FAF1: variants seen among roughly 807,000 people sequenced by gnomAD.
The protein encoded by FAF1 is Fas associated factor 1.
FAF1 carries 25 observed loss-of-function variants against 92.5 expected under a neutral mutation model. The ratio of observed to expected loss-of-function variants is 0.27; its 90% CI spans 0.20 to 0.38. The LOEUF is 0.38. Ranked by LOEUF, FAF1 falls within the 10% of genes least tolerant of loss-of-function variation. FAF1 has a pLI of 1.00. For missense variants in FAF1, 636 were observed against 793.3 expected (o/e 0.80, Z 2.38); for synonymous variants, 234 against 273.2 (o/e 0.86, Z 1.42).
At chr1:50,687,366 A>C (rs1312278504) in intron 7 of FAF1, among the ~76,000 whole-genome samples, 1 of 151,972 alleles carries the variant, frequency 6.6e-6, no homozygotes, top group Non-Finnish European at 1.5e-5. Context: ...AAAAAAAAAA[A>C]AAAAAAACCC....
At chr1:50,463,977 C>T (rs912204035) in intron 18 of FAF1, among the ~76,000 whole-genome samples, 4 of 152,286 alleles carry the variant, frequency 2.6e-5, no homozygotes, top group African/African-American at 9.6e-5. Context: ...ACAGAATATG[C>T]TTCCTTAGAG....
At chr1:50,863,583 T>C (rs187983010) in intron 1 of FAF1, among the ~76,000 whole-genome samples, 36 of 152,170 alleles carry the variant, frequency 2.4e-4, no homozygotes, top group Admixed American at 2.4e-3. Context: ...AAGCTGCTTC[T>C]TTGAAAAGAT....
intron 8 of FAF1, among the ~76,000 whole-genome samples, chr1:50,600,824 A>G (rs1185365815): frequency 1.3e-5 from 2 of 152,198 alleles, no homozygotes; most frequent in Non-Finnish European, 2.9e-5. Flanking sequence ...TTACTTACTG[A>G]ATTTTTAGAA....
At chr1:50,752,706 AC>A (rs776639797) in intron 4 of FAF1, among the ~76,000 whole-genome samples, 10 of 151,694 alleles carry the variant, frequency 6.6e-5, no homozygotes, top group Admixed American at 1.3e-4. Flanking sequence ...TTTTTTTGAG[AC>A]AGTCTCATTT....
chr1:50,454,227 C>G (rs1346734512), intron 18 of FAF1, among the ~76,000 whole-genome samples: 1 of 152,162 alleles, frequency 6.6e-6, no homozygotes, highest in Non-Finnish European at 1.5e-5. Context: ...TCTCATAGAC[C>G]CTATGTGCCA....
At chr1:50,557,100 T>C (rs143829015) in intron 13 of FAF1, among the ~76,000 whole-genome samples, 40 of 152,278 alleles carry the variant, frequency 2.6e-4, no homozygotes, top group Non-Finnish European at 5.0e-4. Context: ...AGATTTGAGG[T>C]ATGGCAATCA....
intron 2 of FAF1, among the ~76,000 whole-genome samples, chr1:50,836,956 T>C (rs1644211497): frequency 7.6e-6 from 1 of 131,918 alleles, no homozygotes. Context: ...TGTTTCTTTT[T>C]TTTTTTTTTT....
intron 18 of FAF1, among the ~76,000 whole-genome samples, chr1:50,454,041 T>C (rs1349114634): frequency 6.6e-6 from 1 of 152,246 alleles, no homozygotes; most frequent in Non-Finnish European, 1.5e-5. Context: ...TGTACCACCT[T>C]ATGGACCTGC....
chr1:50,664,666 C>A (rs549632968), intron 7 of FAF1, among the ~76,000 whole-genome samples: 1 of 152,094 alleles, frequency 6.6e-6, no homozygotes, highest in Non-Finnish European at 1.5e-5. Context: ...TGGTGGCGGG[C>A]GCCTGTAGTC....
intron 6 of FAF1, among the ~76,000 whole-genome samples, chr1:50,723,846 T>C (rs1212294491): frequency 4.6e-5 from 7 of 152,036 alleles, no homozygotes; most frequent in Non-Finnish European, 1.0e-4. Flanking sequence ...CCTCCCAGGT[T>C]CAAGCTATTC....
intron 1 of FAF1, among the ~76,000 whole-genome samples, chr1:50,945,299 T>TA (rs199618409): frequency 5.3e-5 from 8 of 150,630 alleles, no homozygotes; most frequent in African/African-American, 7.3e-5. Context: ...ATCAAAACCA[T>TA]AAAAAAAAAT....
chr1:50,913,114 A>C (rs1407306674), intron 1 of FAF1, among the ~76,000 whole-genome samples: 1 of 152,186 alleles, frequency 6.6e-6, no homozygotes, highest in African/African-American at 2.4e-5. Flanking sequence ...ACAGTTTTAT[A>C]ATTGCCTGTT....
At chr1:50,828,362 G>C (rs1644122268) in intron 2 of FAF1, among the ~76,000 whole-genome samples, 1 of 151,442 alleles carries the variant, frequency 6.6e-6, no homozygotes, top group Non-Finnish European at 1.5e-5. Flanking sequence ...TCCACCTCCT[G>C]GGTTCACGCC....
intron 5 of FAF1, among the ~76,000 whole-genome samples, chr1:50,741,917 A>G (rs529147332): frequency 3.4e-4 from 52 of 152,354 alleles, no homozygotes; most frequent in African/African-American, 1.1e-3. Context: ...TGGATATGTG[A>G]ATTCAAAAAA....
chr1:50,634,034 T>A (rs1653904230), intron 8 of FAF1, among the ~76,000 whole-genome samples: 1 of 152,206 alleles, frequency 6.6e-6, no homozygotes, highest in African/African-American at 2.4e-5. Flanking sequence ...ATTTATTTTT[T>A]AAAAACTATA....
At chr1:50,728,895 T>C (rs1383933198) in intron 6 of FAF1, among the ~76,000 whole-genome samples, 1 of 150,680 alleles carries the variant, frequency 6.6e-6, no homozygotes, top group Non-Finnish European at 1.5e-5. Context: ...ATTTACATCT[T>C]AGTGAGACAA....
chr1:50,749,181 T>G (rs1423238319), intron 4 of FAF1, among the ~76,000 whole-genome samples: 1 of 152,204 alleles, frequency 6.6e-6, no homozygotes, highest in Non-Finnish European at 1.5e-5. Context: ...TTTTTGCTTG[T>G]GGCTGAGGTT....
intron 18 of FAF1, among the ~76,000 whole-genome samples, chr1:50,465,881 GTGT>G (rs1646488008): frequency 1.3e-5 from 2 of 152,158 alleles, no homozygotes; most frequent in African/African-American, 4.8e-5. Flanking sequence ...ATGTTTCATG[GTGT>G]TGTACAAATA....
chr1:50,510,998 T>C (rs1322740756), intron 15 of FAF1, among the ~76,000 whole-genome samples: 1 of 152,170 alleles, frequency 6.6e-6, no homozygotes, highest in Non-Finnish European at 1.5e-5. Flanking sequence ...TATTAAAAAG[T>C]CCCCAAATTC....
Sources: allele counts gnomAD v4.1 joint callset (sites outside exome capture counted in the v4.1 genomes callset), GRCh38; gene constraint gnomAD v4.1.1; transcripts MANE v1.5; gene names NCBI Gene and HGNC (gene_info 2026-07-23, HGNC 2026-07-21).